Variants in ATL3 observed in about 807,000 individuals in gnomAD.
ATL3 encodes the protein atlastin-3.
Under a neutral mutation model 69.5 loss-of-function variants are expected in ATL3, and 49 were observed. The ratio of observed to expected loss-of-function variants is 0.71; its 90% CI spans 0.56 to 0.89. The LOEUF is 0.89. Among genes scored for constraint, ATL3 ranks in the 40% least tolerant of loss-of-function variants. The pLI, the probability that ATL3 is intolerant of heterozygous loss-of-function variation, is 0.00. For missense variants in ATL3, 606 were observed against 645.7 expected, an observed-to-expected ratio of 0.94 and a Z score of 0.67; for synonymous variants, 214 against 224.1, an observed-to-expected ratio of 0.95 and a Z score of 0.40.
intron 3 of ATL3, among the ~76,000 whole-genome samples, chr11:63,655,710 G>C (rs1252745550): frequency 6.6e-6 from 1 of 151,846 alleles, no homozygotes; most frequent in South Asian, 2.1e-4. Flanking sequence ...GCCTCCCAAA[G>C]TGTGAGATTA....
At chr11:63,659,445 T>C (rs538498006) in intron 1 of ATL3, among the ~76,000 whole-genome samples, 193 bp from the exon 2 acceptor site, 22 of 151,684 alleles carry the variant, frequency 1.5e-4, no homozygotes, top group African/African-American at 5.1e-4. Flanking sequence ...TGGGAAACGG[T>C]GAAACCCAGC....
intron 1 of ATL3, chr11:63,670,330 AAAGT>A (rs1054232556): frequency 2.0e-5 from 3 of 152,230 alleles, no homozygotes; most frequent in African/African-American, 7.2e-5. Context: ...TAAATCTCCA[AAAGT>A]AAGCCAATAT....
chr11:63,648,757 C>T lies in ATL3; in HGVS notation c.562-2194G>A, dbSNP rs188883035. On this transcript the variant is annotated intron_variant, in intron 5 of 12. Coordinates refer to ENST00000398868, the MANE Select transcript of ATL3 (RefSeq NM_015459.5). ...CCGGGAGGTGGAGGTTGCAGTGAGC[C>T]GAGATCGCACCACTGCACTCCAGCC... Among the ~76,000 whole-genome samples the T allele has an allele frequency of 7.8e-3, 1,180 of 151,524 alleles. 9 individuals carry two copies. The highest frequency in any genetic ancestry group is 0.012 in the Non-Finnish European group (792 of 67,872).
At chr11:63,671,616 C>A, upstream of ATL3, 1 of 1,419,492 alleles carries the variant, frequency 7.0e-7, no homozygotes, top group South Asian at 1.3e-5. Flanking sequence ...CGCGTGTGCG[C>A]GAAGCGAGCC....
At chr11:63,669,896 C>T (rs573719358) in intron 1 of ATL3, among the ~76,000 whole-genome samples, 51 of 151,900 alleles carry the variant, frequency 3.4e-4, no homozygotes, top group Non-Finnish European at 6.6e-4. Flanking sequence ...TGCAGTGAGC[C>T]GAGACTGCGC....
At position 63,631,046 on chromosome 11, in the gene ATL3, C is replaced by T. The variant is rs1431767563; in HGVS notation, c.1533G>A (p.Leu511=). 2.5e-6 allele frequency: 4 copies of T among 1,609,316 alleles called. No individual in the cohort carries two copies. The highest frequency in any genetic ancestry group is 3.4e-6 in the Non-Finnish European group (4 of 1,177,320). Residue 511 remains leucine, a synonymous_variant, in exon 12 of 13, where the codon TTG becomes TTA. Transcript: ENST00000398868. Reference sequence around the variant, plus strand: ...CTTCAGCAGCACCACTTACCTGCTCCAACACATATGCGGCACCAAAATCAA... The same window carrying T: ...CTTCAGCAGCACCACTTACCTGCTCTAACACATATGCGGCACCAAAATCAA... ...GAIDFGAAYV[L]EQASSHIGNS...
At chr11:63,631,961 GAC>G (rs1939335322) in intron 11 of ATL3, among the ~76,000 whole-genome samples, 1 of 152,242 alleles carries the variant, frequency 6.6e-6, no homozygotes, top group East Asian at 1.9e-4. Context: ...CAGCCTGGGC[GAC>G]AGAGTGAGAC....
At chr11:63,656,019 T>C (rs1288438148) in intron 3 of ATL3, among the ~76,000 whole-genome samples, 1 of 151,586 alleles carries the variant, frequency 6.6e-6, no homozygotes, top group Non-Finnish European at 1.5e-5. Context: ...GGTCAGGAGA[T>C]CGAGACCATC....
intron 1 of ATL3, among the ~76,000 whole-genome samples, chr11:63,670,892 CAGCGCCCTGG>C (rs1200180150): frequency 6.6e-6 from 1 of 152,170 alleles, no homozygotes; most frequent in East Asian, 1.9e-4. Context: ...CACGGAGGGG[CAGCGCCCTGG>C]GGCGCCCGGC....
At chr11:63,665,858 C>A (rs755169476) in intron 1 of ATL3, among the ~76,000 whole-genome samples, 2 of 151,538 alleles carry the variant, frequency 1.3e-5, no homozygotes, top group Non-Finnish European at 2.9e-5. Flanking sequence ...CAGAGCAAGA[C>A]CCTGTCTCAA....
intron 1 of ATL3, 28 bp downstream of exon 1, chr11:63,671,262 G>C: frequency 1.3e-6 from 2 of 1,566,144 alleles, no homozygotes; most frequent in Non-Finnish European, 1.7e-6. Flanking sequence ...GTGGCCGCGG[G>C]GCGATCCAGG....
chr11:63,666,336 G>A (rs1590747705), intron 1 of ATL3, among the ~76,000 whole-genome samples: 1 of 152,252 alleles, frequency 6.6e-6, no homozygotes, highest in East Asian at 1.9e-4. Flanking sequence ...ACCGCGCCCG[G>A]CCTACCCTCT....
intron 1 of ATL3, among the ~76,000 whole-genome samples, chr11:63,660,362 C>T (rs1334169426): frequency 1.3e-5 from 2 of 152,020 alleles, no homozygotes; most frequent in Non-Finnish European, 2.9e-5. Flanking sequence ...AAATTAAAAC[C>T]ACAATAAGAT....
At chr11:63,671,619 A>T (rs1590752070), upstream of ATL3, 2 of 1,419,490 alleles carry the variant, frequency 1.4e-6, no homozygotes, top group Non-Finnish European at 1.8e-6. Flanking sequence ...GTGTGCGCGA[A>T]GCGAGCCGCC....
chr11:63,630,295 G>A (rs1939265660), intron 12 of ATL3, among the ~76,000 whole-genome samples: 1 of 151,390 alleles, frequency 6.6e-6, no homozygotes, highest in South Asian at 2.1e-4. Flanking sequence ...CATGGTGTCA[G>A]GCACCTATAA....
At chr11:63,642,622 T>C (rs144122171) in intron 8 of ATL3, among the ~76,000 whole-genome samples, 2 of 152,312 alleles carry the variant, frequency 1.3e-5, no homozygotes, top group African/African-American at 4.8e-5. Flanking sequence ...TTTGAGCAAG[T>C]TACTTAACTT....
intron 8 of ATL3, among the ~76,000 whole-genome samples, chr11:63,640,640 T>C (rs568334081): frequency 3.8e-4 from 56 of 148,748 alleles, no homozygotes; most frequent in African/African-American, 1.3e-3. Flanking sequence ...GTTTTGCTCT[T>C]GTCGCCCAGG....
At chr11:63,630,897 A>G (rs1471700645) in intron 12 of ATL3, 143 bp downstream of exon 12, 2 of 659,012 alleles carry the variant, frequency 3.0e-6, no homozygotes, top group Non-Finnish European at 5.0e-6. Flanking sequence ...TAAAACATAC[A>G]GTCTATCAGA....
In ATL3 at chr11:63,651,941, G is replaced by A. The variant is rs1940091390; in HGVS notation, c.556C>T (p.Leu186=). Residue 186 remains leucine, a synonymous_variant, in exon 5 of 13, where the codon CTG becomes TTG. Transcript: ENST00000398868. Reference sequence around the variant, plus strand: ...TTGTTATGAGAAATATATACCTGCAGCTGTTGAAGATCATCTTCTTGAATG... The same window carrying A: ...TTGTTATGAGAAATATATACCTGCAACTGTTGAAGATCATCTTCTTGAATG... ...QNIQEDDLQQ[L]QLFTEYGRLA... 4.4e-6 allele frequency: 7 copies of A among 1,594,612 alleles called. No individual in the cohort carries two copies. Among genetic ancestry groups the A allele is most frequent in the African/African-American group, 4.1e-5 (3 of 73,608 alleles).
Sources: gnomAD v4.1 joint callset for allele counts (sites outside exome capture counted in the v4.1 genomes callset) on GRCh38, gnomAD v4.1.1 for gene constraint, MANE v1.5 for transcripts, NCBI Gene and HGNC (gene_info 2026-07-23, HGNC 2026-07-21) for gene names.